MEGF10: variants seen among roughly 807,000 people sequenced by gnomAD.
MEGF10 encodes multiple EGF like domains 10, also known as multiple epidermal growth factor-like domains protein 10.
In MEGF10, 86 loss-of-function variants were observed where a neutral mutation model predicts 147.5. That is an observed-to-expected ratio of 0.58 (90% CI 0.49 to 0.70). The LOEUF (loss-of-function observed/expected upper bound fraction) is 0.70, where lower values mean the gene tolerates loss of function less well. MEGF10 is among the 30% of genes least tolerant of loss of function. The pLI is 0.00. For synonymous variants in MEGF10, 478 were observed against 525.5 expected (o/e 0.91, Z 1.24); for missense variants, 1,329 against 1,487.3 (o/e 0.89, Z 1.75).
At chr5:127,386,151 G>T (rs941923816) in intron 5 of MEGF10, among the ~76,000 whole-genome samples, 1 of 152,158 alleles carries the variant, frequency 6.6e-6, no homozygotes, top group Non-Finnish European at 1.5e-5. Context: ...CACCTGACCT[G>T]CTCAGTTCAC....
chr5:127,252,927 T>A, the MEGF10 span, among the ~76,000 whole-genome samples: 2 of 151,892 alleles, frequency 1.3e-5, no homozygotes, highest in Non-Finnish European at 2.9e-5. Context: ...GACAGAGTGA[T>A]GAATTTTAAT....
In MEGF10 at chr5:127,402,633, G is replaced by A; in HGVS notation, c.868G>A (p.Asp290Asn). 6.2e-7 allele frequency: 1 copy of A among 1,614,146 alleles called. No homozygotes were observed. The highest frequency in any genetic ancestry group is 1.1e-5 in the South Asian group (1 of 91,066). Residue 290 changes from aspartate (D) to asparagine (N), a missense_variant, in exon 8 of 25, where the codon GAT becomes AAT. Transcript: ENST00000503335. ...CCAGTGCCATAATGGAGGGACGTGT[G>A]ATGCTGCCACAGGCCAATGTCATTG... ...ECQCHNGGTCDAATGQCHCSP... is the reference protein window; with the variant it reads ...ECQCHNGGTCNAATGQCHCSP...
At chr5:127,417,861 G>A in intron 10 of MEGF10, 49 bp downstream of exon 10, 2 of 1,572,124 alleles carry the variant, frequency 1.3e-6, no homozygotes, top group Middle Eastern at 2.0e-4. Flanking sequence ...GCAGTGTGAA[G>A]CATCTCAATA....
chr5:127,405,869 C>G (rs1383007368), intron 8 of MEGF10, among the ~76,000 whole-genome samples: 1 of 151,378 alleles, frequency 6.6e-6, no homozygotes, highest in Non-Finnish European at 1.5e-5. Context: ...CATATTTTTC[C>G]TTTAATTTTT....
In MEGF10 at chr5:127,322,404, C is replaced by T. The variant is rs1439209987; in HGVS notation, c.-18-8887C>T. Among the ~76,000 whole-genome samples the T allele has an allele frequency of 8.5e-5, 13 of 152,158 alleles. 1 individual carries two copies. Among genetic ancestry groups the T allele is most frequent in the East Asian group, 1.9e-4 (1 of 5,196 alleles). ...CTTACTGATTCCTCTGCCTATACTG[C>T]TCCATCTACCCAGCAAAAAGTTTCT... On this transcript the variant is annotated intron_variant, in intron 1 of 24. Transcript: ENST00000503335.
chr5:127,345,114 A>T (rs1044845798), intron 4 of MEGF10, among the ~76,000 whole-genome samples: 1 of 152,228 alleles, frequency 6.6e-6, no homozygotes. Context: ...CGAGGCTCTC[A>T]TTTCATGTTT....
At chr5:127,394,550 A>G (rs1166001474) in intron 5 of MEGF10, among the ~76,000 whole-genome samples, 1 of 152,194 alleles carries the variant, frequency 6.6e-6, no homozygotes, top group African/African-American at 2.4e-5. Flanking sequence ...TCCCTTCAAA[A>G]CAGGATGGAG....
chr5:127,279,752 A>G, the MEGF10 span, among the ~76,000 whole-genome samples: 1 of 152,170 alleles, frequency 6.6e-6, no homozygotes, highest in East Asian at 1.9e-4. Flanking sequence ...CCAGCACCCC[A>G]CTATAGAAAG....
At chr5:127,263,811 A>G in the MEGF10 span, among the ~76,000 whole-genome samples, 2 of 152,174 alleles carry the variant, frequency 1.3e-5, no homozygotes, top group African/African-American at 4.8e-5. Context: ...ATGATCATAA[A>G]AGGTAAGTAA....
the MEGF10 span, among the ~76,000 whole-genome samples, chr5:127,264,123 C>T: frequency 6.6e-6 from 1 of 152,070 alleles, no homozygotes; most frequent in Non-Finnish European, 1.5e-5. Flanking sequence ...ATGACCTCAC[C>T]TTACATATGG....
Position 127,432,376 on chromosome 5 carries a change from G to A in MEGF10, c.1694-987G>A, listed in dbSNP as rs977906235. ...CAAAACTGTAACACAAGACATGACC[G>A]TCTCAGCATCGTGGTACTGGGTGGT... is the stretch of plus-strand genomic sequence containing the variant. On this transcript the variant is annotated intron_variant, in intron 13 of 24. Coordinates refer to ENST00000503335, the MANE Select transcript of MEGF10 (RefSeq NM_001256545.2). Among the ~76,000 whole-genome samples the A allele has an allele frequency of 3.9e-5, 6 of 152,322 alleles. No individual in the cohort carries two copies. In the East Asian group the frequency reaches 9.6e-4, roughly 24 times the overall value.
At chr5:127,378,865 T>G (rs1460773555) in intron 5 of MEGF10, among the ~76,000 whole-genome samples, 1 of 151,976 alleles carries the variant, frequency 6.6e-6, no homozygotes, top group Non-Finnish European at 1.5e-5. Context: ...TGGTTTTTTT[T>G]TTTTGGTGCA....
intron 4 of MEGF10, among the ~76,000 whole-genome samples, chr5:127,345,986 C>G (rs929274035): frequency 1.3e-5 from 2 of 152,100 alleles, no homozygotes; most frequent in African/African-American, 4.8e-5. Context: ...CTTAGAATAA[C>G]GGTTCCCAAT....
chr5:127,450,791 C>T (rs990363218), intron 22 of MEGF10, among the ~76,000 whole-genome samples: 2 of 152,048 alleles, frequency 1.3e-5, no homozygotes, highest in Admixed American at 6.6e-5. Context: ...CAGAGTCTCG[C>T]TCTGTCGTCT....
chr5:127,278,968 A>C, the MEGF10 span, among the ~76,000 whole-genome samples: 1 of 152,186 alleles, frequency 6.6e-6, no homozygotes. Flanking sequence ...ATGCTCATTA[A>C]TGTTTGTATT....
chr5:127,377,425 G>A (rs1189179091), intron 5 of MEGF10, among the ~76,000 whole-genome samples: 2 of 152,080 alleles, frequency 1.3e-5, no homozygotes, highest in Non-Finnish European at 2.9e-5. Context: ...CCACATAGCG[G>A]CAAAAATAGA....
chr5:127,260,747 A>G, the MEGF10 span, among the ~76,000 whole-genome samples: 1 of 152,100 alleles, frequency 6.6e-6, no homozygotes, highest in Non-Finnish European at 1.5e-5. Context: ...TTTCGAGCAG[A>G]GTGGATTTTA....
At chr5:127,273,530 C>T in the MEGF10 span, among the ~76,000 whole-genome samples, 1 of 152,200 alleles carries the variant, frequency 6.6e-6, no homozygotes, top group Admixed American at 6.5e-5. Context: ...ACTCTTAAGC[C>T]TTATGTATAT....
intron 4 of MEGF10, among the ~76,000 whole-genome samples, chr5:127,368,565 G>T (rs1181023020): frequency 6.6e-6 from 1 of 152,122 alleles, no homozygotes; most frequent in African/African-American, 2.4e-5. Context: ...ACCTTGCAAA[G>T]CTATTGCCCC....
Sources: gnomAD v4.1 joint callset for allele counts (sites outside exome capture counted in the v4.1 genomes callset) on GRCh38, gnomAD v4.1.1 for gene constraint, MANE v1.5 for transcripts, NCBI Gene and HGNC (gene_info 2026-07-23, HGNC 2026-07-21) for gene names.